Variants in ZZEF1 observed in about 807,000 individuals in gnomAD.
ZZEF1 encodes the protein zinc finger ZZ-type and EF-hand domain containing 1, also known as zinc finger ZZ-type and EF-hand domain-containing protein 1.
Under a neutral mutation model 342.8 loss-of-function variants are expected in ZZEF1, and 157 were observed. The ratio of observed to expected loss-of-function variants is 0.46; its 90% CI spans 0.40 to 0.52. The LOEUF (loss-of-function observed/expected upper bound fraction) is 0.52, where lower values mean the gene tolerates loss of function less well. Ranked by LOEUF, ZZEF1 falls within the 20% of genes least tolerant of loss-of-function variation. The pLI, the probability that ZZEF1 is intolerant of heterozygous loss-of-function variation, is 0.00. For synonymous variants in ZZEF1, 1,505 were observed against 1,429.1 expected, an observed-to-expected ratio of 1.05 and a Z score of -1.20; for missense variants, 3,480 against 3,725.6, an observed-to-expected ratio of 0.93 and a Z score of 1.72.
rs1453708052 is a variant in ZZEF1 at position 4,014,205 on chromosome 17, C to G, written c.8315-17G>C. On this transcript the variant is annotated splice_polypyrimidine_tract_variant and intron_variant, in intron 50 of 54. Transcript: ENST00000381638. The surrounding 1 kb of genome is among the most constrained non-coding windows in gnomAD (Gnocchi z 4.4). ...GAGTGTCTCCTAGGCACACAAGGAT[C>G]AGAGGCCCATCAGGAACTGAAGCAA... 2 of 1,613,910 alleles carry G rather than the reference C, an allele frequency of 1.2e-6. No individual in the cohort carries two copies. The highest frequency in any genetic ancestry group is 2.2e-5 in the South Asian group (2 of 91,074).
Position 4,034,098 on chromosome 17 carries a change from A to G in ZZEF1, c.6501T>C (p.Phe2167=), listed in dbSNP as rs1414143524. The G allele has an allele frequency of 2.5e-6, 4 of 1,614,250 alleles. No individual in the cohort carries two copies. Among genetic ancestry groups the G allele is most frequent in the Non-Finnish European group, 2.5e-6 (3 of 1,180,056 alleles). The part of the protein sequence containing the change: ...IKVLSAKHNL[F]AAGDSSIVPD... Reference sequence around the variant, plus strand: ...GCACAATGGAACTGTCCCCTGCAGCAAACAGGTTGTGTTTGGCTGAGAGGA... The same window carrying G: ...GCACAATGGAACTGTCCCCTGCAGCGAACAGGTTGTGTTTGGCTGAGAGGA... Residue 2167 remains phenylalanine, a synonymous_variant, in exon 40 of 55, where the codon TTT becomes TTC. Coordinates refer to ENST00000381638, the MANE Select transcript of ZZEF1 (RefSeq NM_015113.4).
intron 13 of ZZEF1, 28 bp downstream of exon 13, chr17:4,088,650 T>C (rs375674938): frequency 3.7e-6 from 6 of 1,609,170 alleles, no homozygotes; most frequent in Non-Finnish European, 5.1e-6. Context: ...CCTAAAGGAA[T>C]GCCGTCTAAC....
At chr17:4,052,287 T>A in intron 34 of ZZEF1, 151 bp from the exon 35 acceptor site, 1 of 714,466 alleles carries the variant, frequency 1.4e-6, no homozygotes, top group Non-Finnish European at 2.2e-6. Flanking sequence ...GACAGGGTGC[T>A]CTGCCTGGGT....
intron 52 of ZZEF1, among the ~76,000 whole-genome samples, chr17:4,012,357 C>A (rs774160770): frequency 1.3e-5 from 2 of 152,222 alleles, no homozygotes; most frequent in Non-Finnish European, 2.9e-5. Flanking sequence ...CTTGTTCTCT[C>A]CCCTGACTTT....
intron 42 of ZZEF1, among the ~76,000 whole-genome samples, chr17:4,027,286 C>CT (rs1179743466): frequency 0.011 from 730 of 67,952 alleles, 94 homozygotes; most frequent in South Asian, 0.025. Flanking sequence ...CAATATCTCA[C>CT]TTTTTTTTTT....
At chr17:4,013,686 A>G (rs894025685) in intron 51 of ZZEF1, 72 bp from the exon 52 acceptor site, 111 of 1,423,598 alleles carry the variant, frequency 7.8e-5, no homozygotes, top group Non-Finnish European at 9.6e-5. Flanking sequence ...TAAATAAAGT[A>G]TAACAATTGT....
intron 38 of ZZEF1, among the ~76,000 whole-genome samples, chr17:4,042,981 C>T (rs1202080788): frequency 1.3e-5 from 2 of 152,190 alleles, no homozygotes; most frequent in Non-Finnish European, 2.9e-5. Flanking sequence ...TGCTCCCGGC[C>T]TAAAGCTGGG....
At chr17:4,100,046 T>C (rs2058101367) in intron 9 of ZZEF1, among the ~76,000 whole-genome samples, 1 of 152,198 alleles carries the variant, frequency 6.6e-6, no homozygotes, top group Non-Finnish European at 1.5e-5. Context: ...CCAGGAACGT[T>C]AGCCCCCTGA....
intron 6 of ZZEF1, 44 bp downstream of exon 6, chr17:4,109,609 T>C: frequency 6.3e-7 from 1 of 1,593,392 alleles, no homozygotes; most frequent in Non-Finnish European, 8.6e-7. Context: ...GATGGGAGAA[T>C]GAGGGCATGT....
intron 26 of ZZEF1, 43 bp downstream of exon 26, chr17:4,070,641 C>A: frequency 6.3e-7 from 1 of 1,590,632 alleles, no homozygotes; most frequent in Non-Finnish European, 8.6e-7. Flanking sequence ...TAAAACTTAG[C>A]AATTAGCCTT....
In ZZEF1 at chr17:4,104,695, T is replaced by C. The variant is rs1199851973; in HGVS notation, c.1511A>G (p.Tyr504Cys). ...GGACAAGATGAGGGATGAGGCATCA[T>C]ACTGCGTGTCCAGATGGTCAGTGAT... ...CTITDHLDTQ[Y>C]DASSLILSMA... Residue 504 changes from tyrosine to cysteine, a missense_variant, in exon 8 of 55, where the codon TAT becomes TGT. Coordinates refer to ENST00000381638, the MANE Select transcript of ZZEF1 (RefSeq NM_015113.4). The C allele has an allele frequency of 1.9e-6, 3 of 1,614,164 alleles. No individual in the cohort carries two copies. Among genetic ancestry groups the C allele is most frequent in the Admixed American group, 1.7e-5 (1 of 60,028 alleles).
chr17:4,141,731 A>G (rs1009557651), intron 1 of ZZEF1, among the ~76,000 whole-genome samples: 1 of 152,212 alleles, frequency 6.6e-6, no homozygotes, highest in Non-Finnish European at 1.5e-5. Flanking sequence ...AAAAAAAAAA[A>G]AAGCAAGAGA....
At chr17:4,112,264 G>GC (rs1394508155) in intron 5 of ZZEF1, among the ~76,000 whole-genome samples, 2 of 150,610 alleles carry the variant, frequency 1.3e-5, no homozygotes, top group African/African-American at 4.9e-5. Context: ...TTCTGCCTTA[G>GC]CCCCCCAAGT....
intron 33 of ZZEF1, 147 bp from the exon 34 acceptor site, chr17:4,054,342 T>A: frequency 1.2e-6 from 1 of 866,306 alleles, no homozygotes; most frequent in Non-Finnish European, 1.7e-6. Context: ...CTCCTCAGTG[T>A]CTAGTTGGGA....
At chr17:4,064,070 G>A (rs544357732) in intron 29 of ZZEF1, among the ~76,000 whole-genome samples, 2 of 151,322 alleles carry the variant, frequency 1.3e-5, no homozygotes, top group Non-Finnish European at 2.9e-5. Context: ...TGGAGGGGGG[G>A]GGGTCTCACT....
intron 16 of ZZEF1, among the ~76,000 whole-genome samples, chr17:4,084,072 A>T (rs965802653): frequency 4.6e-5 from 7 of 152,212 alleles, no homozygotes; most frequent in African/African-American, 1.4e-4. Flanking sequence ...CCTCCAATGC[A>T]ACATCAAAGA....
chr17:4,081,974 C>T (rs141117469), intron 17 of ZZEF1, among the ~76,000 whole-genome samples: 2 of 152,338 alleles, frequency 1.3e-5, no homozygotes, highest in African/African-American at 2.4e-5. Context: ...TAGTTCCCTT[C>T]CTCCTTCAAG....
intron 3 of ZZEF1, among the ~76,000 whole-genome samples, chr17:4,115,632 C>A (rs111887695): frequency 0.025 from 3,822 of 152,256 alleles, 147 homozygotes; most frequent in African/African-American, 0.087. Context: ...CACTGCACAC[C>A]AGCCTGGGAG....
intron 14 of ZZEF1, among the ~76,000 whole-genome samples, chr17:4,087,022 C>G (rs868341711): frequency 6.6e-6 from 1 of 152,184 alleles, no homozygotes; most frequent in Non-Finnish European, 1.5e-5. Flanking sequence ...GCTGAGATTA[C>G]AGGTGCCCAC....
Sources: allele counts gnomAD v4.1 joint callset (sites outside exome capture counted in the v4.1 genomes callset), GRCh38; gene constraint gnomAD v4.1.1; non-coding constraint Gnocchi (gnomAD v3.1); transcripts MANE v1.5; gene names NCBI Gene and HGNC (gene_info 2026-07-23, HGNC 2026-07-21).